The following HELQ variants were observed in gnomAD, a reference collection of about 807,000 sequenced individuals.
HELQ encodes the protein helicase, POLQ like, also known as helicase POLQ-like.
A neutral mutation model predicts 111.6 loss-of-function variants in HELQ; 77 were observed. The observed-to-expected ratio is 0.69, with a 90% CI of 0.57 to 0.83. The LOEUF is 0.83. Ranked by LOEUF, HELQ falls within the 40% of genes least tolerant of loss-of-function variation. The pLI, the probability that HELQ is intolerant of heterozygous loss-of-function variation, is 0.00. For synonymous variants in HELQ, 438 were observed against 454.7 expected (o/e 0.96, Z 0.47); for missense variants, 1,200 against 1,288.5 (o/e 0.93, Z 1.05).
intron 13 of HELQ, among the ~76,000 whole-genome samples, chr4:83,426,941 T>C (rs184843809): frequency 1.3e-5 from 2 of 152,366 alleles, no homozygotes; most frequent in African/African-American, 4.8e-5. Flanking sequence ...GGCTTTATAA[T>C]AAGTATGGAC....
At chr4:83,443,651 A>G (rs1409886327) in intron 5 of HELQ, 37 bp from the exon 6 acceptor site, 6 of 910,868 alleles carry the variant, frequency 6.6e-6, no homozygotes, top group Non-Finnish European at 1.0e-5. Context: ...AGTGTTAAGG[A>G]AAATATGTTA....
chr4:83,442,494 T>G (rs1275090472), intron 6 of HELQ, among the ~76,000 whole-genome samples: 1 of 151,638 alleles, frequency 6.6e-6, no homozygotes, highest in Non-Finnish European at 1.5e-5. Context: ...TGCTGCAACC[T>G]TCGCCCCACT....
chr4:83,438,748 G>GAAGAAA (rs1720599445), intron 8 of HELQ, among the ~76,000 whole-genome samples: 1 of 104,284 alleles, frequency 9.6e-6, no homozygotes, highest in Non-Finnish European at 1.8e-5. Flanking sequence ...CCTGTCTCAG[G>GAAGAAA]AAAAAAAAAA....
Position 83,453,414 on chromosome 4 carries a change from C to T in HELQ, c.829G>A (p.Ala277Thr), listed in dbSNP as rs747779394. The part of the protein sequence containing the change: ...DHLKNAMTGN[A>T]KAQTPIFSRS... ...GAAAATATTGGTGTCTGGGCCTTCG[C>T]ATTTCCAGTCATGGCATTTTTTAGA... Residue 277 changes from alanine to threonine, a missense_variant, in exon 2 of 18, where the codon GCG (alanine) becomes ACG (threonine). Physicochemically the swap from Ala to Thr is moderately conservative, Grantham distance 58. Around this residue, in one of 3 missense-constraint regions of HELQ, gnomAD observed 610 missense variants for 607.1 expected, o/e 1.00. Transcript: ENST00000295488. The T allele has an allele frequency of 5.2e-5, 83 of 1,603,592 alleles. No homozygotes were observed. The highest frequency in any genetic ancestry group is 6.6e-5 in the Non-Finnish European group (78 of 1,176,608).
intron 9 of HELQ, among the ~76,000 whole-genome samples, chr4:83,433,690 A>T (rs1361647265): frequency 1.4e-5 from 2 of 142,194 alleles, no homozygotes; most frequent in African/African-American, 2.7e-5. Context: ...AAAAAAAAGG[A>T]GTAGACTATT....
chr4:83,433,396 G>A (rs1720259739), intron 9 of HELQ, among the ~76,000 whole-genome samples: 1 of 152,054 alleles, frequency 6.6e-6, no homozygotes, highest in Non-Finnish European at 1.5e-5. Context: ...GGCGGGGCGT[G>A]GTGGCTCACG....
chr4:83,442,656 C>T (rs1008025881), intron 6 of HELQ, among the ~76,000 whole-genome samples: 3 of 151,848 alleles, frequency 2.0e-5, no homozygotes, highest in Non-Finnish European at 4.4e-5. Flanking sequence ...CGTGATCTGC[C>T]CACCTCGGCC....
Position 83,426,068 on chromosome 4 carries a change from G to T in HELQ, c.2701C>A (p.Gln901Lys). 1.6e-5 allele frequency: 26 copies of T among 1,607,160 alleles called. No homozygotes were observed. Among genetic ancestry groups the T allele is most frequent in the Non-Finnish European group, 2.1e-5 (25 of 1,174,362 alleles). Residue 901 changes from glutamine to lysine, a missense_variant, in exon 14 of 18, where the codon CAA (glutamine) becomes AAA (lysine). By Grantham distance (53) the Gln-to-Lys change is moderately conservative (BLOSUM62 1). Transcript: ENST00000295488. ...RQFSQLSPAEQNVAAILGVSE... is the reference protein window; with the variant it reads ...RQFSQLSPAEKNVAAILGVSE... ...ACTCCAAGAATGGCAGCTACATTTT[G>T]TTCTGCTGGACTGAGTTGGCTAAAC...
At chr4:83,419,469 T>C (rs1245748189) in intron 15 of HELQ, among the ~76,000 whole-genome samples, 1 of 148,334 alleles carries the variant, frequency 6.7e-6, no homozygotes, top group South Asian at 2.1e-4. Flanking sequence ...TAATTATATA[T>C]TTATATTATA....
intron 14 of HELQ, among the ~76,000 whole-genome samples, chr4:83,425,478 A>G (rs553801872): frequency 2.0e-5 from 3 of 152,310 alleles, no homozygotes; most frequent in Non-Finnish European, 4.4e-5. Context: ...GCATTTGATA[A>G]CTTGCTTCAT....
In HELQ at chr4:83,439,920, C is replaced by G; in HGVS notation, c.1751G>C (p.Cys584Ser). Residue 584 changes from cysteine (C) to serine (S), a missense_variant, in exon 8 of 18, where the codon TGT becomes TCT. By Grantham distance (112) the Cys-to-Ser change is moderately radical (BLOSUM62 -1). This residue lies in a region of HELQ where 585 missense variants were observed against 665.3 expected (regional missense o/e 0.88). Transcript: ENST00000295488. ...ATTTTCACAGTTCTTCTTACTAGGACAAAAAACTAAGCAGGAATAATTGGG... is the reference window on the plus strand; with the variant it reads ...ATTTTCACAGTTCTTCTTACTAGGAGAAAAAACTAAGCAGGAATAATTGGG... Reference protein sequence around the residue: ...VIPNYSCLVFCPSKKNCENVA... With the variant: ...VIPNYSCLVFSPSKKNCENVA... 6.2e-7 allele frequency: 1 copy of G among 1,608,476 alleles called. No individual in the cohort carries two copies. Among genetic ancestry groups the G allele is most frequent in the Admixed American group, 1.7e-5 (1 of 59,870 alleles).
rs1312754504 is a variant in HELQ, at chr4:83,453,701, T to A, written c.542A>T (p.Glu181Val). The part of the protein sequence containing the change: ...DKHTENQSGY[E>V]GVTIEPGADL... ...AGCTCCAGGTTCAATAGTGACACCT[T>A]CATATCCACTCTGGTTCTCTGTGTG... Residue 181 changes from glutamate (E) to valine (V), a missense_variant, in exon 2 of 18, where the codon GAA becomes GTA. Around this residue, in one of 3 missense-constraint regions of HELQ, gnomAD observed 610 missense variants for 607.1 expected, o/e 1.00. Coordinates refer to ENST00000295488, the MANE Select transcript of HELQ (RefSeq NM_133636.5). 1 of 1,614,052 alleles carries A rather than the reference T, an allele frequency of 6.2e-7. No homozygotes were observed. The highest frequency in any genetic ancestry group is 1.1e-5 in the South Asian group (1 of 91,076).
rs1044811820 is a variant in HELQ, at chr4:83,447,493, T to A, written c.1192-458A>T. ...AAGACATACGTAAGAAATGCTGTAA[T>A]GTCTCGATCTTTGCAAAATAAATGC... On this transcript the variant is annotated intron_variant, in intron 3 of 17. Transcript: ENST00000295488. Among the ~76,000 whole-genome samples, 15 of 152,318 alleles carry A rather than the reference T, an allele frequency of 9.8e-5. 1 individual carries two copies. The highest frequency in any genetic ancestry group is 8.5e-4 in the Admixed American group (13 of 15,294).
At position 83,455,798 on chromosome 4, in the gene HELQ, TG is replaced by T; in HGVS notation, c.-106del. 8.6e-7 allele frequency: 1 copy of T among 1,163,348 alleles called. No homozygotes were observed. The highest frequency in any genetic ancestry group is 1.4e-5 in the South Asian group (1 of 71,244). 72.1% of individuals were successfully genotyped at this position (1,163,348 alleles called of 1,614,324 possible). A position where few individuals can be genotyped will look rare whatever the true frequency, so the allele number is the denominator to read the frequency against. Reference sequence around the variant, plus strand: ...CCGGAGCCCGCTTCTACATCCACCTTGGGAAAAGACCCCAAGTTAGCTCTCA... The same window carrying T: ...CCGGAGCCCGCTTCTACATCCACCTTGGAAAAGACCCCAAGTTAGCTCTCA... On this transcript the variant is annotated 5_prime_UTR_variant, in exon 1 of 18. Coordinates refer to ENST00000295488, the MANE Select transcript of HELQ (RefSeq NM_133636.5).
At chr4:83,420,121 C>A (rs1739589313) in intron 15 of HELQ, among the ~76,000 whole-genome samples, 1 of 152,044 alleles carries the variant, frequency 6.6e-6, no homozygotes, top group Non-Finnish European at 1.5e-5. Context: ...ATTATAAACA[C>A]ATAAAAAAAG....
At chr4:83,413,477 GC>G (rs1739210897) in intron 17 of HELQ, among the ~76,000 whole-genome samples, 1 of 152,172 alleles carries the variant, frequency 6.6e-6, no homozygotes, top group Admixed American at 6.5e-5. Flanking sequence ...TAATGGAAAA[GC>G]CTTTTGGGGG....
At chr4:83,415,250 C>G (rs1459489738) in intron 17 of HELQ, among the ~76,000 whole-genome samples, 3 of 151,928 alleles carry the variant, frequency 2.0e-5, no homozygotes, top group Admixed American at 2.0e-4. Flanking sequence ...AGTGAATGGC[C>G]TAAAACTTGA....
intron 11 of HELQ, among the ~76,000 whole-genome samples, chr4:83,431,217 A>G (rs1332124223): frequency 6.6e-6 from 1 of 152,100 alleles, no homozygotes; most frequent in African/African-American, 2.4e-5. Context: ...AGAGTTCAAG[A>G]CCAATCTAAC....
In HELQ at chr4:83,455,550, A is replaced by T; in HGVS notation, c.144T>A (p.Ala48=). The T allele has an allele frequency of 2.5e-6, 4 of 1,613,700 alleles. No homozygotes were observed. Among genetic ancestry groups the T allele is most frequent in the Non-Finnish European group, 3.4e-6 (4 of 1,179,628 alleles). ...CCGCGGTTTTCCGCCTCCTGTTCTC[A>T]GCCACCATTTCCTCCTCCTCTTTCC... is the stretch of plus-strand genomic sequence containing the variant. ...DEGKEEEEMV[A]ENRRRKTAGV... Residue 48 remains alanine, a synonymous_variant, in exon 1 of 18, where the codon GCT becomes GCA. Transcript: ENST00000295488.
Sources: allele counts gnomAD v4.1 joint callset (sites outside exome capture counted in the v4.1 genomes callset), GRCh38; gene constraint gnomAD v4.1.1; regional missense constraint gnomAD v4.1.1; transcripts MANE v1.5; gene names NCBI Gene and HGNC (gene_info 2026-07-23, HGNC 2026-07-21).